DDIAS: variants seen among roughly 807,000 people sequenced by gnomAD.
DDIAS encodes DNA damage-induced apoptosis suppressor protein.
A neutral mutation model predicts 15.7 loss-of-function variants in DDIAS; 14 were observed. That is an observed-to-expected ratio of 0.89 (90% CI 0.59 to 1.39). DDIAS has a LOEUF of 1.39. Among genes scored for constraint, DDIAS ranks in the 40% most tolerant of loss-of-function variants. The pLI, the probability that DDIAS is intolerant of heterozygous loss-of-function variation, is 0.00. For synonymous variants in DDIAS, 355 were observed against 395.9 expected (o/e 0.90, Z 1.23); for missense variants, 1,035 against 1,130.9 (o/e 0.92, Z 1.22).
Position 82,934,246 on chromosome 11 carries a change from G to A in DDIAS, c.2908G>A (p.Glu970Lys), listed in dbSNP as rs201642966. The part of the protein sequence containing the change: ...HPILGPDSCS[E>K]VKCCLPFSEK... ...TATTCTTGGACCTGATTCTTGTTCAGAAGTCAAATGTTGCCTTCCATTTTC... is the reference window on the plus strand; with the variant it reads ...TATTCTTGGACCTGATTCTTGTTCAAAAGTCAAATGTTGCCTTCCATTTTC... The change falls in exon 6 of 6, where the codon GAA becomes AAA. Residue 970 changes from glutamate to lysine, a missense_variant. Physicochemically the swap from Glu to Lys is moderately conservative, Grantham distance 56 (BLOSUM62 1). Transcript: ENST00000533655. 42 of 1,613,876 alleles carry A rather than the reference G, an allele frequency of 2.6e-5. No individual in the cohort carries two copies. The highest frequency in any genetic ancestry group is 5.1e-6 in the Non-Finnish European group (6 of 1,179,926).
chr11:82,932,922 T>G lies in DDIAS; in HGVS notation c.1584T>G (p.Asp528Glu), dbSNP rs775157751. 5 of 1,611,910 alleles carry G rather than the reference T, an allele frequency of 3.1e-6. No homozygotes were observed. The Admixed American group carries it at 5.0e-5, about 16-fold the overall frequency. Residue 528 changes from aspartate (D) to glutamate (E), a missense_variant, in exon 6 of 6, where the codon GAT becomes GAG. Physicochemically the swap from Asp to Glu is conservative, Grantham distance 45 (BLOSUM62 2). Transcript: ENST00000533655. ...TCTCTGTAAATCATAATGGAAGAGA[T>G]ATGTCAGAATATTTTTTACCGAATC... ...EAVSVNHNGR[D>E]MSEYFLPNPY...
chr11:82,926,243 C>A (rs1860860170), intron 3 of DDIAS, among the ~76,000 whole-genome samples: 1 of 151,928 alleles, frequency 6.6e-6, no homozygotes, highest in Non-Finnish European at 1.5e-5. Flanking sequence ...GCGCATGCCA[C>A]CACGTTCGTT....
intron 5 of DDIAS, among the ~76,000 whole-genome samples, chr11:82,930,608 T>C (rs2121366770): frequency 6.6e-6 from 1 of 152,282 alleles, no homozygotes; most frequent in South Asian, 2.1e-4. Context: ...CTTCCACCAA[T>C]TCTCTAGCTT....
chr11:82,928,968 G>A (rs1860927275), intron 4 of DDIAS, 30 bp downstream of exon 4: 1 of 1,584,192 alleles, frequency 6.3e-7, no homozygotes, highest in South Asian at 1.2e-5. Flanking sequence ...CCTTTTTCCT[G>A]ACTGCCCTTA....
At chr11:82,902,327 G>GT (rs1860334679) in intron 1 of DDIAS, among the ~76,000 whole-genome samples, 1 of 151,980 alleles carries the variant, frequency 6.6e-6, no homozygotes, top group Non-Finnish European at 1.5e-5. Context: ...ACTTCTCTCC[G>GT]TTTTTTACTG....
chr11:82,908,954 T>C (rs1406062402), intron 1 of DDIAS, among the ~76,000 whole-genome samples: 1 of 152,228 alleles, frequency 6.6e-6, no homozygotes, highest in East Asian at 1.9e-4. Context: ...TTGGGTCACT[T>C]ACTCTATTTT....
At position 82,932,588 on chromosome 11, in the gene DDIAS, C is replaced by T. The variant is rs750439024; in HGVS notation, c.1250C>T (p.Pro417Leu). 6.2e-7 allele frequency: 1 copy of T among 1,614,110 alleles called. No homozygotes were observed. The highest frequency in any genetic ancestry group is 2.2e-5 in the East Asian group (1 of 44,880). ...GACCCTCAAATTTGGGATGATCTGC[C>T]ATTCTCTGAAAGCCTGAACAAGTTT... ...DGDPQIWDDL[P>L]FSESLNKFLA... The change falls in exon 6 of 6, where the codon CCA becomes CTA. Residue 417 changes from proline to leucine, a missense_variant. Pro to Leu is a moderately conservative substitution (Grantham distance 98, BLOSUM62 -3). Coordinates refer to ENST00000533655, the MANE Select transcript of DDIAS (RefSeq NM_145018.4).
rs141852106 is a variant in DDIAS, at chr11:82,904,241, T to C, written c.-117+2419T>C. Among the ~76,000 whole-genome samples, 437 of 152,352 alleles carry C rather than the reference T, an allele frequency of 2.9e-3. 1 individual carries two copies. Among genetic ancestry groups the C allele is most frequent in the African/African-American group, 9.5e-3 (397 of 41,590 alleles). ...ATGCCAGTTTACACTAAATACTTAA[T>C]TGAACTTTTTCTCTAGGATCTAACA... On this transcript the variant is annotated intron_variant, in intron 1 of 5. Coordinates refer to ENST00000533655, the MANE Select transcript of DDIAS (RefSeq NM_145018.4).
In DDIAS at chr11:82,933,834, G is replaced by T. The variant is rs1317839923; in HGVS notation, c.2496G>T (p.Gln832His). ...SCPKNIKTPS[Q>H]KIRSPIVSGV... ...CAAAAAATATAAAAACACCTAGCCA[G>T]AAAATCAGAAGCCCTATTGTATCTG... The change falls in exon 6 of 6, where the codon CAG (glutamine) becomes CAT (histidine). Residue 832 changes from glutamine (Q) to histidine (H), a missense_variant. Coordinates refer to ENST00000533655, the MANE Select transcript of DDIAS (RefSeq NM_145018.4). The T allele has an allele frequency of 6.2e-7, 1 of 1,613,870 alleles. No homozygotes were observed. The highest frequency in any genetic ancestry group is 1.7e-5 in the Admixed American group (1 of 59,942).
intron 1 of DDIAS, among the ~76,000 whole-genome samples, chr11:82,912,875 C>T (rs1430542851): frequency 1.3e-5 from 2 of 152,096 alleles, no homozygotes; most frequent in Non-Finnish European, 2.9e-5. Flanking sequence ...GGGTTAATAA[C>T]TGGCCTAATT....
At chr11:82,907,239 T>C (rs1402600222) in intron 1 of DDIAS, among the ~76,000 whole-genome samples, 2 of 152,176 alleles carry the variant, frequency 1.3e-5, no homozygotes, top group East Asian at 3.8e-4. Flanking sequence ...ACAACTCAGA[T>C]TGTTTCTCTT....
intron 3 of DDIAS, among the ~76,000 whole-genome samples, chr11:82,925,695 T>C (rs751245992): frequency 5.9e-5 from 9 of 151,832 alleles, no homozygotes; most frequent in Non-Finnish European, 1.0e-4. Flanking sequence ...TGTTAAATAA[T>C]TCGACTATGG....
At chr11:82,929,011 G>C (rs932828382) in intron 4 of DDIAS, 73 bp downstream of exon 4, 2 of 1,486,428 alleles carry the variant, frequency 1.3e-6, no homozygotes, top group East Asian at 4.7e-5. Flanking sequence ...AAGGCAATAT[G>C]CATTTTTGTA....
rs184798603 is a variant in DDIAS, at chr11:82,910,672, G to A, written c.-116-2615G>A. Reference sequence around the variant, plus strand: ...ACTCTTTCACCCAGGCTGGAGTGCAGTGCCATGAATACAGCTCACTTCAGT... The same window carrying A: ...ACTCTTTCACCCAGGCTGGAGTGCAATGCCATGAATACAGCTCACTTCAGT... On this transcript the variant is annotated intron_variant, in intron 1 of 5. Transcript: ENST00000533655. 2.2e-5 allele frequency among the ~76,000 whole-genome samples: 3 copies of A among 135,370 alleles called. No individual in the cohort carries two copies. The East Asian group carries it at 6.6e-4, about 30-fold the overall frequency. The allele number at this position is 135,370 out of a possible 152,430, so 88.8% of individuals were successfully genotyped here.
Position 82,932,860 on chromosome 11 carries a change from G to GA in DDIAS, c.1526dup (p.Glu510GlyfsTer6), listed in dbSNP as rs1223858545. 6.2e-7 allele frequency: 1 copy of GA among 1,613,388 alleles called. No homozygotes were observed. Among genetic ancestry groups the GA allele is most frequent in the Admixed American group, 1.7e-5 (1 of 59,986 alleles). On this transcript the variant is annotated frameshift_variant, in exon 6 of 6. Coordinates refer to ENST00000533655, the MANE Select transcript of DDIAS (RefSeq NM_145018.4). LOFTEE classifies it low-confidence loss of function (END_TRUNC). ...TAAAGGAAATCTAAGTCCTAGTGTT[G>GA]AAAAGGAGTCACAACCAGATAACAA...
chr11:82,914,963 A>C (rs1191594060), intron 3 of DDIAS, 112 bp downstream of exon 3: 3 of 661,064 alleles, frequency 4.5e-6, no homozygotes, highest in East Asian at 3.1e-5. Flanking sequence ...AGATTCTCTC[A>C]GGGGTTGGTT....
chr11:82,934,234 G>C lies in DDIAS; in HGVS notation c.2896G>C (p.Asp966His), dbSNP rs1178495209. 6.2e-6 allele frequency: 10 copies of C among 1,614,032 alleles called. No homozygotes were observed. The highest frequency in any genetic ancestry group is 8.5e-6 in the Non-Finnish European group (10 of 1,179,978). Reference sequence around the variant, plus strand: ...TCAGCTGCACCCTATTCTTGGACCTGATTCTTGTTCAGAAGTCAAATGTTG... The same window carrying C: ...TCAGCTGCACCCTATTCTTGGACCTCATTCTTGTTCAGAAGTCAAATGTTG... ...APQLHPILGP[D>H]SCSEVKCCLP... The change falls in exon 6 of 6, where the codon GAT (aspartate) becomes CAT (histidine). Residue 966 changes from aspartate to histidine, a missense_variant. By Grantham distance (81) the Asp-to-His change is moderately conservative. Transcript: ENST00000533655.
chr11:82,914,357 A>G (rs934198634), intron 2 of DDIAS, among the ~76,000 whole-genome samples: 1 of 152,238 alleles, frequency 6.6e-6, no homozygotes. Context: ...TTGGACTTTC[A>G]GATTCAAGAT....
intron 3 of DDIAS, among the ~76,000 whole-genome samples, chr11:82,925,849 G>A (rs1860849562): frequency 6.6e-6 from 1 of 151,710 alleles, no homozygotes; most frequent in Non-Finnish European, 1.5e-5. Flanking sequence ...TTAGCTGGGT[G>A]TGGTGGCGGG....
Sources: gnomAD v4.1 joint callset for allele counts (sites outside exome capture counted in the v4.1 genomes callset) on GRCh38, gnomAD v4.1.1 for gene constraint, MANE v1.5 for transcripts, NCBI Gene and HGNC (gene_info 2026-07-23, HGNC 2026-07-21) for gene names.